Variants in CPT2 observed in about 807,000 individuals in gnomAD.
CPT2 encodes the protein carnitine palmitoyltransferase 2.
In CPT2, 37 loss-of-function variants were observed where a neutral mutation model predicts 48.6. The ratio of observed to expected loss-of-function variants is 0.76; its 90% confidence interval spans 0.59 to 1.00. CPT2 has a LOEUF of 1.00. CPT2 is among the 50% of genes least tolerant of loss of function. The pLI, the probability that CPT2 is intolerant of heterozygous loss-of-function variation, is 0.00. For missense variants in CPT2, 772 were observed against 825.6 expected, an observed-to-expected ratio of 0.94 and a Z score of 0.80; for synonymous variants, 319 against 326.9, an observed-to-expected ratio of 0.98 and a Z score of 0.26.
intron 1 of CPT2, among the ~76,000 whole-genome samples, chr1:53,199,572 G>T (rs563565934): frequency 2.6e-5 from 4 of 152,264 alleles, no homozygotes; most frequent in Non-Finnish European, 5.9e-5. Context: ...AAAGGAAGAA[G>T]GTAAACTTTC....
intron 1 of CPT2, among the ~76,000 whole-genome samples, chr1:53,199,075 T>G (rs913755531): frequency 5.2e-4 from 5 of 9,656 alleles, no homozygotes; most frequent in Non-Finnish European, 7.2e-4. Context: ...TTATTTTGGT[T>G]TTTTTGAGAC....
rs749243696 is a variant in CPT2, at chr1:53,211,115, C to G, written c.1441C>G (p.Gln481Glu). 1 of 1,614,064 alleles carries G rather than the reference C, an allele frequency of 6.2e-7. No homozygotes were observed. Among genetic ancestry groups the G allele is most frequent in the Non-Finnish European group, 8.5e-7 (1 of 1,179,956 alleles). Residue 481 changes from glutamine to glutamate, a missense_variant, in exon 4 of 5, where the codon CAG becomes GAG. By Grantham distance (29) the Gln-to-Glu change is conservative. Coordinates refer to ENST00000371486, the MANE Select transcript of CPT2 (RefSeq NM_000098.3). Reference protein sequence around the residue: ...FQMAFLRQYGQTVATYESCST... With the variant: ...FQMAFLRQYGETVATYESCST... ...GATGGCCTTCCTGCGGCAGTACGGG[C>G]AGACAGTGGCCACCTACGAGTCCTG...
Position 53,210,178 on chromosome 1 carries a change from T to C in CPT2, c.504T>C (p.Ala168=), listed in dbSNP as rs1178731855. ...TCCGGTTTCTGAAGACACTCCGGGC[T>C]GGCCTTCTGGAGCCAGAAGTGTTCC... ...SAIRFLKTLR[A]GLLEPEVFHL... is the part of the protein sequence containing the mutation. The change falls in exon 4 of 5, where the codon GCT becomes GCC. Residue 168 remains alanine, a synonymous_variant. Coordinates refer to ENST00000371486, the MANE Select transcript of CPT2 (RefSeq NM_000098.3). The C allele has an allele frequency of 4.3e-6, 7 of 1,614,038 alleles. No homozygotes were observed. The highest frequency in any genetic ancestry group is 5.9e-6 in the Non-Finnish European group (7 of 1,180,036).
chr1:53,212,442 C>A (rs1045138188), intron 4 of CPT2, among the ~76,000 whole-genome samples: 1 of 152,208 alleles, frequency 6.6e-6, no homozygotes, highest in Non-Finnish European at 1.5e-5. Context: ...TCAAGCAATC[C>A]TCCTGCCTTG....
rs1285579116 is a variant in CPT2 at position 53,213,647 on chromosome 1, G to A, written c.*52G>A. 2.0e-6 allele frequency: 3 copies of A among 1,510,114 alleles called. No homozygotes were observed. The highest frequency in any genetic ancestry group is 2.7e-6 in the Non-Finnish European group (3 of 1,101,402). 93.5% of individuals were successfully genotyped at this position (1,510,114 alleles called of 1,614,324 possible). A position where few individuals can be genotyped will look rare whatever the true frequency, so the allele number is the denominator to read the frequency against. ...CACTTCCTCATCATGAAAACTGGGA[G>A]GCCGGGCATGGTGGCTCATGCCTGT... On this transcript the variant is annotated 3_prime_UTR_variant, in exon 5 of 5. Transcript: ENST00000371486.
chr1:53,213,588 A>T lies in CPT2; in HGVS notation c.1970A>T (p.Lys657Ile). ...GATGCCTTAGAAGGCAAATCCATCAAAAGTTAACTTCTGGGCAGATGAAAA... is the reference window on the plus strand; with the variant it reads ...GATGCCTTAGAAGGCAAATCCATCATAAGTTAACTTCTGGGCAGATGAAAA... Reference protein sequence around the residue: ...MFDALEGKSIKS With the variant: ...MFDALEGKSIIS The change falls in exon 5 of 5, where the codon AAA (lysine) becomes ATA (isoleucine). Residue 657 changes from lysine to isoleucine, a missense_variant. Lys to Ile is a moderately radical substitution (Grantham distance 102, BLOSUM62 -3). Transcript: ENST00000371486. The T allele has an allele frequency of 6.2e-7, 1 of 1,613,192 alleles. No individual in the cohort carries two copies. The highest frequency in any genetic ancestry group is 2.2e-5 in the East Asian group (1 of 44,888).
intron 3 of CPT2, among the ~76,000 whole-genome samples, chr1:53,205,861 G>A (rs973230620): frequency 1.3e-5 from 2 of 152,208 alleles, no homozygotes; most frequent in African/African-American, 2.4e-5. Context: ...GGGCATGCAG[G>A]TGTGCAGAAA....
chr1:53,196,875 G>C lies in CPT2; in HGVS notation c.-69G>C, dbSNP rs1256356806. On this transcript the variant is annotated 5_prime_UTR_variant, in exon 1 of 5. Transcript: ENST00000371486. ...CAGTGTCTTGGGCGCTAACGGCGGC[G>C]GCGGCCTTGTGTTTAGACTCCAGAA... 1.3e-6 allele frequency: 2 copies of C among 1,517,140 alleles called. No homozygotes were observed. Among genetic ancestry groups the C allele is most frequent in the Non-Finnish European group, 1.8e-6 (2 of 1,136,422 alleles). The allele number at this position is 1,517,140 out of a possible 1,614,324, so 94.0% of individuals were successfully genotyped here. A position where few individuals can be genotyped will look rare whatever the true frequency, so the allele number is the denominator to read the frequency against.
chr1:53,200,965 A>G, intron 2 of CPT2, 166 bp downstream of exon 2: 2 of 688,544 alleles, frequency 2.9e-6, no homozygotes, highest in Non-Finnish European at 5.3e-6. Context: ...TCATTCATGA[A>G]GGACTGACCA....
At position 53,210,291 on chromosome 1, in the gene CPT2, T is replaced by TG. The variant is rs1196563139; in HGVS notation, c.619dup (p.Val207GlyfsTer27). 6.2e-7 allele frequency: 1 copy of TG among 1,614,214 alleles called. No homozygotes were observed. Among genetic ancestry groups the TG allele is most frequent in the South Asian group, 1.1e-5 (1 of 91,088 alleles). ...TCTCTGTCCTGGTATGGGGCCTACC[T>TG]GGTCAATGCGTATCCCCTGGATATG... On this transcript the variant is annotated frameshift_variant, in exon 4 of 5. Transcript: ENST00000371486. LOFTEE classifies it high-confidence loss of function.
chr1:53,205,929 T>A (rs1345580782), intron 3 of CPT2, among the ~76,000 whole-genome samples: 1 of 152,124 alleles, frequency 6.6e-6, no homozygotes, highest in Non-Finnish European at 1.5e-5. Context: ...ACGCCTGTAA[T>A]CCCAGCACTT....
In CPT2 at chr1:53,200,720, C is replaced by T; in HGVS notation, c.154C>T (p.Leu52=). 1 of 1,613,058 alleles carries T rather than the reference C, an allele frequency of 6.2e-7. No individual in the cohort carries two copies. The highest frequency in any genetic ancestry group is 2.2e-5 in the East Asian group (1 of 44,876). Residue 52 remains leucine, a splice_region_variant and synonymous_variant, in exon 2 of 5, where the codon CTG becomes TTG. Coordinates refer to ENST00000371486, the MANE Select transcript of CPT2 (RefSeq NM_000098.3). ...TMHYQDSLPR[L]PIPKLEDTIR... is the part of the protein sequence containing the mutation. ...ACACTGACCCTGCTTTCTCCCCAGG[C>T]TGCCTATTCCCAAACTTGAAGACAC...
At chr1:53,213,000 G>A (rs957025250) in intron 4 of CPT2, among the ~76,000 whole-genome samples, 5 of 152,082 alleles carry the variant, frequency 3.3e-5, no homozygotes, top group African/African-American at 1.2e-4. Context: ...TTAAAATTAT[G>A]CTTTCCTTTT....
intron 1 of CPT2, among the ~76,000 whole-genome samples, chr1:53,197,819 TGCA>T (rs1645333165): frequency 6.6e-6 from 1 of 152,094 alleles, no homozygotes; most frequent in South Asian, 2.1e-4. Flanking sequence ...CCCTTGTAAG[TGCA>T]GCTCACCCTC....
intron 3 of CPT2, 87 bp from the exon 4 acceptor site, chr1:53,209,924 TTGTC>T (rs1257201432): frequency 5.5e-6 from 6 of 1,098,806 alleles, no homozygotes; most frequent in Admixed American, 3.8e-5. Flanking sequence ...GCCATTTCCT[TTGTC>T]TATGCTTGAA....
chr1:53,203,786 T>C (rs1645369590), intron 3 of CPT2: 1 of 151,322 alleles, frequency 6.6e-6, no homozygotes, highest in African/African-American at 2.4e-5. Flanking sequence ...TTTTTCTTTT[T>C]TTTTTTTTTT....
chr1:53,210,527 G>C lies in CPT2; in HGVS notation c.853G>C (p.Glu285Gln). 6.2e-7 allele frequency: 1 copy of C among 1,614,080 alleles called. No homozygotes were observed. The highest frequency in any genetic ancestry group is 1.1e-5 in the South Asian group (1 of 91,072). The stretch of plus-strand genomic sequence containing the variant: ...TCTCTCAGACAGCAGCCCCGCCCCC[G>C]AGTTTCCCCTGGCATACCTGACCAG... ...YILSDSSPAP[E>Q]FPLAYLTSEN... The change falls in exon 4 of 5, where the codon GAG becomes CAG. Residue 285 changes from glutamate to glutamine, a missense_variant. By Grantham distance (29) the Glu-to-Gln change is conservative. Coordinates refer to ENST00000371486, the MANE Select transcript of CPT2 (RefSeq NM_000098.3).
chr1:53,212,697 A>G (rs1331177858), intron 4 of CPT2: 1 of 403,852 alleles, frequency 2.5e-6, no homozygotes, highest in African/African-American at 2.1e-5. Context: ...GGAGGGTCAT[A>G]GTTGTCCTTT....
rs111684954 is a variant in CPT2 at position 53,209,287 on chromosome 1, G to A, written c.341-728G>A. On this transcript the variant is annotated intron_variant, in intron 3 of 4. Transcript: ENST00000371486. ...AGGTGGGAGGATCGCTTGAGCCCAGGGTTCAAGGCTGCAGTGAGCCATGAT... is the reference window on the plus strand; with the variant it reads ...AGGTGGGAGGATCGCTTGAGCCCAGAGTTCAAGGCTGCAGTGAGCCATGAT... The A allele has an allele frequency of 1.1e-4, 17 of 152,100 alleles. 1 individual carries two copies. The highest frequency in any genetic ancestry group is 4.1e-4 in the African/African-American group (17 of 41,430). The allele number at this position is 152,100 out of a possible 1,614,324, so 9.4% of individuals were successfully genotyped here. A position where few individuals can be genotyped will look rare whatever the true frequency, so the allele number is the denominator to read the frequency against.
Sources: gnomAD v4.1 joint callset for allele counts (sites outside exome capture counted in the v4.1 genomes callset) on GRCh38, gnomAD v4.1.1 for gene constraint, MANE v1.5 for transcripts, NCBI Gene and HGNC (gene_info 2026-07-23, HGNC 2026-07-21) for gene names.